Variants in SPTLC3 observed in about 807,000 individuals in gnomAD.
SPTLC3 encodes serine palmitoyltransferase 3.
Under a neutral mutation model 59.3 loss-of-function variants are expected in SPTLC3, and 36 were observed. That is an observed-to-expected ratio of 0.61 (90% confidence interval 0.47 to 0.80). The LOEUF (loss-of-function observed/expected upper bound fraction) is 0.80. Ranked by LOEUF, SPTLC3 falls within the 30% of genes least tolerant of loss-of-function variation. SPTLC3 has a pLI of 0.00. For synonymous variants in SPTLC3, 257 were observed against 240.8 expected, an observed-to-expected ratio of 1.07 and a Z score of -0.62; for missense variants, 625 against 685.1, an observed-to-expected ratio of 0.91 and a Z score of 0.98.
At chr20:13,129,289 A>G (rs931933468) in intron 9 of SPTLC3, among the ~76,000 whole-genome samples, 4 of 152,184 alleles carry the variant, frequency 2.6e-5, no homozygotes, top group African/African-American at 9.7e-5. Flanking sequence ...GGCGTGAGCC[A>G]CTGTGCCTGT....
chr20:13,093,655 CTG>C, intron 6 of SPTLC3, 78 bp downstream of exon 6: 1 of 1,351,928 alleles, frequency 7.4e-7, no homozygotes, highest in Non-Finnish European at 1.0e-6. Context: ...AGGCTTTGTT[CTG>C]CTCTTCAAGG....
At chr20:13,032,221 G>T (rs1048659976) in intron 1 of SPTLC3, among the ~76,000 whole-genome samples, 2 of 152,150 alleles carry the variant, frequency 1.3e-5, no homozygotes, top group African/African-American at 4.8e-5. Flanking sequence ...TTATAAACAA[G>T]ATCAGAATAA....
chr20:13,154,222 A>T (rs2038714878), intron 10 of SPTLC3, 84 bp downstream of exon 10: 2 of 1,543,782 alleles, frequency 1.3e-6, no homozygotes. Flanking sequence ...TAGATTATGC[A>T]TCTGGAATGG....
chr20:13,109,033 A>G (rs1990072486), intron 6 of SPTLC3, among the ~76,000 whole-genome samples: 1 of 152,216 alleles, frequency 6.6e-6, no homozygotes, highest in Non-Finnish European at 1.5e-5. Flanking sequence ...AAATATGCCC[A>G]TAAACCTCGG....
rs115180644 is a variant in SPTLC3 at position 13,014,335 on chromosome 20, G to T, written c.117+4951G>T. ...ACAGAAGAATGTGTATCTGACCTAG[G>T]CTGGGAAGACAACTTGCTTCAGAGA... On this transcript the variant is annotated intron_variant, in intron 1 of 11. Coordinates refer to ENST00000399002, the MANE Select transcript of SPTLC3 (RefSeq NM_018327.4). Among the ~76,000 whole-genome samples the T allele has an allele frequency of 3.4e-3, 517 of 152,322 alleles. 5 individuals are homozygous for T. Among genetic ancestry groups the T allele is most frequent in the African/African-American group, 0.011 (455 of 41,586 alleles).
chr20:13,011,182 C>G (rs4814179), intron 1 of SPTLC3, among the ~76,000 whole-genome samples: 1 of 151,924 alleles, frequency 6.6e-6, no homozygotes, highest in Non-Finnish European at 1.5e-5. Flanking sequence ...ATAGGGCAAA[C>G]GAGGGCTTAT....
At position 13,091,294 on chromosome 20, in the gene SPTLC3, G is replaced by C. The variant is rs1290945760; in HGVS notation, c.732+87G>C. The C allele has an allele frequency of 2.6e-6, 4 of 1,523,446 alleles. No homozygotes were observed. The African/African-American group carries it at 5.5e-5, about 21-fold the overall frequency. 94.4% of individuals were successfully genotyped at this position (1,523,446 alleles called of 1,614,324 possible). A position where few individuals can be genotyped will look rare whatever the true frequency, so the allele number is the denominator to read the frequency against. On this transcript the variant is annotated intron_variant, in intron 5 of 11. Transcript: ENST00000399002. ...AGGTCCTTGTTAGAAGTATGGCTGAGATGGGCACGGTGGTTCACGCCTGTA... is the reference window on the plus strand; with the variant it reads ...AGGTCCTTGTTAGAAGTATGGCTGACATGGGCACGGTGGTTCACGCCTGTA...
rs78941975 is a variant in SPTLC3, at chr20:13,124,678, C to T, written c.1153-1913C>T. 5.7e-3 allele frequency among the ~76,000 whole-genome samples: 865 copies of T among 152,282 alleles called. 6 individuals carry two copies. The highest frequency in any genetic ancestry group is 0.02 in the African/African-American group (838 of 41,536). Reference sequence around the variant, plus strand: ...CAGGCAGAGTCATCACATCATTAATCTAACCTTCACCGACCACTGTAAGGC... The same window carrying T: ...CAGGCAGAGTCATCACATCATTAATTTAACCTTCACCGACCACTGTAAGGC... On this transcript the variant is annotated intron_variant, in intron 8 of 11. Coordinates refer to ENST00000399002, the MANE Select transcript of SPTLC3 (RefSeq NM_018327.4).
At chr20:13,037,276 C>T (rs1986777693) in intron 1 of SPTLC3, among the ~76,000 whole-genome samples, 1 of 152,170 alleles carries the variant, frequency 6.6e-6, no homozygotes, top group Admixed American at 6.5e-5. Flanking sequence ...GGCAAGACTA[C>T]TATGGCTATC....
At chr20:13,056,795 G>A (rs1045401956) in intron 2 of SPTLC3, among the ~76,000 whole-genome samples, 2 of 146,820 alleles carry the variant, frequency 1.4e-5, no homozygotes, top group Non-Finnish European at 3.0e-5. Context: ...AGGATGGAGT[G>A]CAGTGGTGCA....
In SPTLC3 at chr20:13,121,112, G is replaced by A. The variant is rs565767129; in HGVS notation, c.1152+3387G>A. On this transcript the variant is annotated intron_variant, in intron 8 of 11. Transcript: ENST00000399002. ...GTTGCTGGGAAATGTGGTCAATGCCGAAGACCCCAAACTTTTCCCCAGGCA... is the reference window on the plus strand; with the variant it reads ...GTTGCTGGGAAATGTGGTCAATGCCAAAGACCCCAAACTTTTCCCCAGGCA... Among the ~76,000 whole-genome samples the A allele has an allele frequency of 9.9e-5, 15 of 152,166 alleles. No homozygotes were observed. In the South Asian group the frequency reaches 2.1e-3, roughly 21 times the overall value.
intron 9 of SPTLC3, among the ~76,000 whole-genome samples, chr20:13,135,532 T>A (rs949069162): frequency 2.6e-5 from 4 of 152,246 alleles, no homozygotes; most frequent in African/African-American, 7.2e-5. Context: ...CAATTTCATG[T>A]CAGCTGTTTC....
At chr20:13,039,256 C>CTCTT (rs74181399) in intron 1 of SPTLC3, among the ~76,000 whole-genome samples, 21,289 of 151,852 alleles carry the variant, frequency 0.14, 2,224 homozygotes, top group African/African-American at 0.3. Flanking sequence ...ATTTTCTACT[C>CTCTT]TATTTCTATC....
chr20:13,094,961 T>C lies in SPTLC3; in HGVS notation c.826+1384T>C, dbSNP rs1989361612. Reference sequence around the variant, plus strand: ...TGCATCAAACACTCAATTTCGGCTTTAGACTTGGATAAGCCAAGTTAAATT... The same window carrying C: ...TGCATCAAACACTCAATTTCGGCTTCAGACTTGGATAAGCCAAGTTAAATT... On this transcript the variant is annotated intron_variant, in intron 6 of 11. Transcript: ENST00000399002. 1.3e-5 allele frequency among the ~76,000 whole-genome samples: 2 copies of C among 152,212 alleles called. 1 individual carries two copies. The highest frequency in any genetic ancestry group is 4.1e-4 in the South Asian group (2 of 4,832).
intron 7 of SPTLC3, among the ~76,000 whole-genome samples, chr20:13,113,377 T>C (rs1377481737): frequency 6.6e-6 from 1 of 152,132 alleles, no homozygotes; most frequent in African/African-American, 2.4e-5. Flanking sequence ...TCTGCCACCA[T>C]GGGTAAAGCA....
intron 1 of SPTLC3, among the ~76,000 whole-genome samples, chr20:13,040,307 A>G (rs1280086309): frequency 6.6e-6 from 1 of 152,164 alleles, no homozygotes; most frequent in Non-Finnish European, 1.5e-5. Flanking sequence ...ATTGTTTTAT[A>G]CAATTTCTTT....
intron 9 of SPTLC3, among the ~76,000 whole-genome samples, chr20:13,131,340 C>T (rs113748803): frequency 0.018 from 2,812 of 152,162 alleles, 55 homozygotes; most frequent in South Asian, 0.03. Flanking sequence ...CAGTGGTGCC[C>T]GGCCTGACAT....
At chr20:13,014,686 C>A (rs1335144058) in intron 1 of SPTLC3, among the ~76,000 whole-genome samples, 1 of 151,856 alleles carries the variant, frequency 6.6e-6, no homozygotes, top group East Asian at 1.9e-4. Context: ...GGGAAGGAAG[C>A]CGATACGCTC....
chr20:13,159,327 A>C (rs1444032559), intron 10 of SPTLC3, among the ~76,000 whole-genome samples: 4 of 152,146 alleles, frequency 2.6e-5, no homozygotes, highest in African/African-American at 9.7e-5. Context: ...CATTCCTCTT[A>C]AACTCAGTTG....
Sources: allele counts gnomAD v4.1 joint callset (sites outside exome capture counted in the v4.1 genomes callset), GRCh38; gene constraint gnomAD v4.1.1; transcripts MANE v1.5; gene names NCBI Gene and HGNC (gene_info 2026-07-23, HGNC 2026-07-21).